UBR7: variants seen among roughly 807,000 people sequenced by gnomAD.
The protein encoded by UBR7 is ubiquitin protein ligase E3 component n-recognin 7, also known as putative E3 ubiquitin-protein ligase UBR7.
Under a neutral mutation model 57.0 loss-of-function variants are expected in UBR7, and 22 were observed. The observed-to-expected ratio is 0.39, with a 90% confidence interval of 0.28 to 0.55. The LOEUF (loss-of-function observed/expected upper bound fraction) is 0.55, where lower values mean the gene tolerates loss of function less well. Among genes scored for constraint, UBR7 ranks in the 20% least tolerant of loss-of-function variants. UBR7 has a pLI of 0.69. For synonymous variants in UBR7, 167 were observed against 179.8 expected (o/e 0.93, Z 0.57); for missense variants, 395 against 513.2 (o/e 0.77, Z 2.23).
intron 4 of UBR7, among the ~76,000 whole-genome samples, chr14:93,213,803 T>C (rs776938347): frequency 1.3e-5 from 2 of 152,228 alleles, no homozygotes; most frequent in Non-Finnish European, 2.9e-5. Flanking sequence ...TTTAGAGATA[T>C]TAGTCTTCTG....
chr14:93,212,282 A>G (rs959608057), intron 4 of UBR7, among the ~76,000 whole-genome samples, 155 bp downstream of exon 4: 4 of 152,202 alleles, frequency 2.6e-5, no homozygotes, highest in African/African-American at 9.6e-5. Context: ...GGTTGGATCT[A>G]TAATTGGTAC....
In UBR7 at chr14:93,228,328, C is replaced by T; in HGVS notation, c.*1293C>T. The T allele has an allele frequency of 4.4e-6, 2 of 455,344 alleles. No homozygotes were observed. Among genetic ancestry groups the T allele is most frequent in the Non-Finnish European group, 4.4e-6 (1 of 227,366 alleles). The allele number at this position is 455,344 out of a possible 1,614,324, so 28.2% of individuals were successfully genotyped here. A position where few individuals can be genotyped will look rare whatever the true frequency, so the allele number is the denominator to read the frequency against. ...GTGATACATAGAGAACCCTCAGCTTCTCTCTGCCTCTGGAGGACCAAGGTC... is the reference window on the plus strand; with the variant it reads ...GTGATACATAGAGAACCCTCAGCTTTTCTCTGCCTCTGGAGGACCAAGGTC... On this transcript the variant is annotated 3_prime_UTR_variant, in exon 11 of 11. Coordinates refer to ENST00000013070, the MANE Select transcript of UBR7 (RefSeq NM_175748.4).
intron 10 of UBR7, among the ~76,000 whole-genome samples, chr14:93,224,399 G>A (rs1441485511): frequency 9.0e-6 from 1 of 110,840 alleles, no homozygotes; most frequent in Non-Finnish European, 1.7e-5. Context: ...TTTTTTTTGA[G>A]ATGGAGTCTT....
rs1894935319 is a variant in UBR7 at position 93,229,053 on chromosome 14, A to G, written c.*2018A>G. The G allele has an allele frequency of 2.4e-6, 1 of 412,078 alleles. No individual in the cohort carries two copies. The highest frequency in any genetic ancestry group is 4.8e-6 in the Non-Finnish European group (1 of 206,526). The allele number at this position is 412,078 out of a possible 1,614,324, so 25.5% of individuals were successfully genotyped here. On this transcript the variant is annotated 3_prime_UTR_variant, in exon 11 of 11. Coordinates refer to ENST00000013070, the MANE Select transcript of UBR7 (RefSeq NM_175748.4). ...CTTGTAGAGACTGATTTTGGCCAAC[A>G]TATTAATGCATGTTTTATGCAAAAC...
intron 1 of UBR7, among the ~76,000 whole-genome samples, chr14:93,207,816 ATTATTTAT>A (rs1034899538): frequency 6.6e-6 from 1 of 151,982 alleles, no homozygotes; most frequent in Non-Finnish European, 1.5e-5. Context: ...CCATCCTAAG[ATTATTTAT>A]TTATTTATTT....
rs367899989 is a variant in UBR7 at position 93,212,134 on chromosome 14, G to T, written c.441+7G>T. 4.4e-6 allele frequency: 7 copies of T among 1,605,376 alleles called. No individual in the cohort carries two copies. In the African/African-American group the frequency reaches 9.4e-5, roughly 21 times the overall value. On this transcript the variant is annotated splice_region_variant and intron_variant, in intron 4 of 10. Transcript: ENST00000013070. ...TCCTGATCCTGAAGACGAGGTAAGA[G>T]AATTGGAAGTTAAACCTGGGGGTGT... is the stretch of plus-strand genomic sequence containing the variant.
chr14:93,220,701 G>A (rs1457592432), intron 9 of UBR7, among the ~76,000 whole-genome samples: 1 of 152,094 alleles, frequency 6.6e-6, no homozygotes, highest in Non-Finnish European at 1.5e-5. Flanking sequence ...TGGACATTAT[G>A]TGTCATGTTC....
At chr14:93,219,773 C>T (rs1894666736) in intron 8 of UBR7, among the ~76,000 whole-genome samples, 2 of 152,072 alleles carry the variant, frequency 1.3e-5, no homozygotes, top group Non-Finnish European at 2.9e-5. Flanking sequence ...GTCAGGAGTT[C>T]GAGACCAGCC....
At chr14:93,210,274 G>A (rs971993231) in intron 2 of UBR7, among the ~76,000 whole-genome samples, 1 of 151,902 alleles carries the variant, frequency 6.6e-6, no homozygotes, top group Non-Finnish European at 1.5e-5. Flanking sequence ...TAGTAGAGAC[G>A]GTGTTTCACC....
chr14:93,223,682 C>T (rs937508491), intron 10 of UBR7: 3 of 1,268,868 alleles, frequency 2.4e-6, no homozygotes, highest in Admixed American at 1.8e-5. Context: ...GAAACTTGAT[C>T]TTGGAGTCGT....
chr14:93,228,483 A>G lies in UBR7; in HGVS notation c.*1448A>G. On this transcript the variant is annotated 3_prime_UTR_variant, in exon 11 of 11. Coordinates refer to ENST00000013070, the MANE Select transcript of UBR7 (RefSeq NM_175748.4). The stretch of plus-strand genomic sequence containing the variant: ...ATTCATTCGAGTGCCCAATCCCTGG[A>G]TGAGATGAACTAGGCCTTATAAAAA... 1 of 454,100 alleles carries G rather than the reference A, an allele frequency of 2.2e-6. No homozygotes were observed. The highest frequency in any genetic ancestry group is 4.4e-6 in the Non-Finnish European group (1 of 226,800). The allele number at this position is 454,100 out of a possible 1,614,324, so 28.1% of individuals were successfully genotyped here. A position where few individuals can be genotyped will look rare whatever the true frequency, so the allele number is the denominator to read the frequency against.
intron 6 of UBR7, among the ~76,000 whole-genome samples, chr14:93,216,685 G>A (rs187744197): frequency 2.3e-4 from 34 of 150,092 alleles, no homozygotes; most frequent in Admixed American, 1.3e-3. Context: ...GTGCTATCTC[G>A]GCTCACCTCA....
In UBR7 at chr14:93,207,324, G is replaced by T. The variant is rs770253186; in HGVS notation, c.33G>T (p.Gln11His). The T allele has an allele frequency of 5.1e-6, 8 of 1,558,618 alleles. No individual in the cohort carries two copies. Among genetic ancestry groups the T allele is most frequent in the Non-Finnish European group, 7.0e-6 (8 of 1,150,922 alleles). ...GAGCCGAGGGCGCCGCTGGGCGGCA[G>T]TCGGAGCTGGAGCCCGTGGTATCGT... MAGAEGAAGR[Q>H]SELEPVVSLV... is the part of the protein sequence containing the mutation. Residue 11 changes from glutamine (Q) to histidine (H), a missense_variant, in exon 1 of 11, where the codon CAG (glutamine) becomes CAT (histidine). Coordinates refer to ENST00000013070, the MANE Select transcript of UBR7 (RefSeq NM_175748.4).
Position 93,207,450 on chromosome 14 carries a change from G to A in UBR7, c.150+9G>A. ...AGTGCTCCTACTCTCAGGTGGGCGCGCGGCCCGGGCCTCCTCTCCCCCGGC... is the reference window on the plus strand; with the variant it reads ...AGTGCTCCTACTCTCAGGTGGGCGCACGGCCCGGGCCTCCTCTCCCCCGGC... On this transcript the variant is annotated intron_variant, in intron 1 of 10. Coordinates refer to ENST00000013070, the MANE Select transcript of UBR7 (RefSeq NM_175748.4). 1 of 1,542,702 alleles carries A rather than the reference G, an allele frequency of 6.5e-7. No individual in the cohort carries two copies. The highest frequency in any genetic ancestry group is 8.7e-7 in the Non-Finnish European group (1 of 1,146,430).
chr14:93,210,763 C>A, intron 3 of UBR7, 55 bp downstream of exon 3: 1 of 1,452,656 alleles, frequency 6.9e-7, no homozygotes, highest in Middle Eastern at 1.7e-4. Flanking sequence ...TTAATATTTG[C>A]CAGAGTGGGT....
intron 8 of UBR7, 75 bp downstream of exon 8, chr14:93,219,436 A>C: frequency 6.3e-7 from 1 of 1,575,346 alleles, no homozygotes. Flanking sequence ...CCTGGGGAAA[A>C]CATTCAATTT....
At chr14:93,219,385 T>C (rs375246291) in intron 8 of UBR7, 24 bp downstream of exon 8, 4 of 1,614,032 alleles carry the variant, frequency 2.5e-6, no homozygotes, top group Non-Finnish European at 3.4e-6. Flanking sequence ...TTGTGCTCAG[T>C]GTTAGCATGT....
At position 93,222,691 on chromosome 14, in the gene UBR7, C is replaced by T. The variant is rs532136541; in HGVS notation, c.1185+317C>T. Among the ~76,000 whole-genome samples the T allele has an allele frequency of 1.1e-3, 171 of 151,312 alleles. 2 individuals are homozygous for T. The highest frequency in any genetic ancestry group is 3.6e-3 in the African/African-American group (150 of 41,172). On this transcript the variant is annotated intron_variant, in intron 10 of 10. Transcript: ENST00000013070. Reference sequence around the variant, plus strand: ...CCAGGAGGCGGAGGTTGTAGTGAGCCGAGAACACGCCACTGCACCCCAGCC... The same window carrying T: ...CCAGGAGGCGGAGGTTGTAGTGAGCTGAGAACACGCCACTGCACCCCAGCC...
At chr14:93,210,791 T>C in intron 3 of UBR7, 83 bp downstream of exon 3, 1 of 1,190,218 alleles carries the variant, frequency 8.4e-7, no homozygotes, top group Non-Finnish European at 1.2e-6. Context: ...CAAATACCTG[T>C]ATTTTCCAAA....
Sources: gnomAD v4.1 joint callset for allele counts (sites outside exome capture counted in the v4.1 genomes callset) on GRCh38, gnomAD v4.1.1 for gene constraint, MANE v1.5 for transcripts, NCBI Gene and HGNC (gene_info 2026-07-23, HGNC 2026-07-21) for gene names.